The following RARB variants were observed in gnomAD, a reference collection of about 807,000 sequenced individuals.
RARB encodes the protein HBV-activated protein.
In RARB, 17 loss-of-function variants were observed where a neutral mutation model predicts 51.9. The observed-to-expected ratio is 0.33, with a 90% confidence interval of 0.22 to 0.49. The LOEUF is 0.49. Among genes scored for constraint, RARB ranks in the 20% least tolerant of loss-of-function variants. RARB has a pLI of 0.99. For missense variants in RARB, 369 were observed against 550.8 expected (o/e 0.67, Z 3.30); for synonymous variants, 215 against 195.4 (o/e 1.10, Z -0.84).
chr3:25,063,703 T>G (rs528308672), intron 3 of RARB, among the ~76,000 whole-genome samples: 1 of 151,468 alleles, frequency 6.6e-6, no homozygotes, highest in East Asian at 1.9e-4. Flanking sequence ...CCTTGTAGTT[T>G]GAGACTTTTT....
chr3:25,037,280 G>A (rs1183994877), intron 2 of RARB, among the ~76,000 whole-genome samples: 1 of 146,738 alleles, frequency 6.8e-6, no homozygotes. Flanking sequence ...TTTTCCTGTT[G>A]GCCATGGCGA....
chr3:25,496,998 C>A (rs1024169024), intron 2 of RARB, among the ~76,000 whole-genome samples: 1 of 152,230 alleles, frequency 6.6e-6, no homozygotes, highest in African/African-American at 2.4e-5. Flanking sequence ...GATTCTCCTG[C>A]CTCAGCCTCC....
chr3:25,537,345 C>T (rs1422387838), intron 3 of RARB, among the ~76,000 whole-genome samples: 1 of 152,178 alleles, frequency 6.6e-6, no homozygotes. Flanking sequence ...TATAGTTCTT[C>T]CCCTGAGACT....
At chr3:25,337,167 A>G (rs1483836) in intron 5 of RARB, among the ~76,000 whole-genome samples, 46,373 of 152,048 alleles carry the variant, frequency 0.3, 8,392 homozygotes, top group East Asian at 0.67. Flanking sequence ...TTGCTCATCT[A>G]TGGATATGTC....
At chr3:24,924,103 T>A (rs1026935435) in intron 2 of RARB, among the ~76,000 whole-genome samples, 1 of 152,054 alleles carries the variant, frequency 6.6e-6, no homozygotes, top group East Asian at 1.9e-4. Flanking sequence ...CATAAACTAT[T>A]TTTTTTTCTA....
At chr3:25,407,069 C>T (rs1707428702) in intron 5 of RARB, among the ~76,000 whole-genome samples, 1 of 152,182 alleles carries the variant, frequency 6.6e-6, no homozygotes, top group South Asian at 2.1e-4. Flanking sequence ...CAAATTTTTA[C>T]AGTTACCTAA....
At chr3:25,438,211 A>G (rs1472595417) in intron 1 of RARB, among the ~76,000 whole-genome samples, 3 of 152,154 alleles carry the variant, frequency 2.0e-5, no homozygotes, top group African/African-American at 7.2e-5. Flanking sequence ...GTGTTTCGAG[A>G]GTGAACCTTC....
intron 5 of RARB, among the ~76,000 whole-genome samples, chr3:25,581,278 T>C (rs1701163392): frequency 6.6e-6 from 1 of 152,224 alleles, no homozygotes; most frequent in Admixed American, 6.5e-5. Context: ...AGCAATGTTT[T>C]TATAGCACTT....
intron 5 of RARB, among the ~76,000 whole-genome samples, chr3:25,362,499 C>T (rs1705974968): frequency 6.6e-6 from 1 of 152,198 alleles, no homozygotes; most frequent in Non-Finnish European, 1.5e-5. Flanking sequence ...GTCTCGCTGG[C>T]ATTCCAGGCG....
chr3:24,837,826 T>C (rs1242948310), intron 1 of RARB, among the ~76,000 whole-genome samples: 2 of 152,230 alleles, frequency 1.3e-5, no homozygotes. Flanking sequence ...CTGATATTAC[T>C]CATTAGGGTC....
chr3:25,142,378 A>AC (rs1171324584), intron 4 of RARB, among the ~76,000 whole-genome samples: 2 of 152,160 alleles, frequency 1.3e-5, no homozygotes, highest in Non-Finnish European at 2.9e-5. Context: ...GCAACTCAGA[A>AC]CCATTGAATC....
intron 2 of RARB, among the ~76,000 whole-genome samples, chr3:24,985,498 C>A (rs1457957740): frequency 2.0e-5 from 3 of 152,018 alleles, no homozygotes; most frequent in African/African-American, 7.2e-5. Flanking sequence ...GGTAACTTTG[C>A]ACAAAGCAAT....
At chr3:24,881,094 G>C (rs1471620643) in intron 2 of RARB, among the ~76,000 whole-genome samples, 1 of 152,186 alleles carries the variant, frequency 6.6e-6, no homozygotes, top group African/African-American at 2.4e-5. Context: ...CACTAGAGGT[G>C]ATGGTTTGAA....
intron 3 of RARB, among the ~76,000 whole-genome samples, chr3:25,532,387 T>C (rs1698964837): frequency 6.6e-6 from 1 of 152,228 alleles, no homozygotes; most frequent in Non-Finnish European, 1.5e-5. Flanking sequence ...TAAGATCAGA[T>C]GTTATTAACA....
chr3:24,913,976 GA>G (rs1341314321), intron 2 of RARB, among the ~76,000 whole-genome samples: 1 of 152,132 alleles, frequency 6.6e-6, no homozygotes, highest in Non-Finnish European at 1.5e-5. Context: ...TTCTCTATGC[GA>G]TGGAAATACA....
chr3:24,942,900 G>A (rs974899480), intron 2 of RARB, among the ~76,000 whole-genome samples: 5 of 151,968 alleles, frequency 3.3e-5, no homozygotes, highest in African/African-American at 7.3e-5. Flanking sequence ...TAATCTTCCT[G>A]TTATCTCATT....
chr3:25,358,905 A>G (rs1040549465), intron 5 of RARB, among the ~76,000 whole-genome samples: 1 of 150,610 alleles, frequency 6.6e-6, no homozygotes, highest in Admixed American at 6.6e-5. Context: ...GGATTTTCGC[A>G]TTGATGTTCA....
chr3:25,226,420 G>C (rs1176127530), intron 5 of RARB, among the ~76,000 whole-genome samples: 1 of 152,096 alleles, frequency 6.6e-6, no homozygotes, highest in Non-Finnish European at 1.5e-5. Context: ...AAAGCACTAT[G>C]GCCAATCTCT....
At chr3:24,898,863 G>T (rs1489163477) in intron 2 of RARB, among the ~76,000 whole-genome samples, 2 of 152,134 alleles carry the variant, frequency 1.3e-5, no homozygotes, top group Non-Finnish European at 2.9e-5. Context: ...AGGTAGGAAG[G>T]GTGGAGAATC....
Sources: gnomAD v4.1 joint callset for allele counts (sites outside exome capture counted in the v4.1 genomes callset) on GRCh38, gnomAD v4.1.1 for gene constraint, MANE v1.5 for transcripts, NCBI Gene and HGNC (gene_info 2026-07-23, HGNC 2026-07-21) for gene names.